The following USP25 variants were observed in gnomAD, a reference collection of about 807,000 sequenced individuals.
The protein encoded by USP25 is ubiquitin specific peptidase 25.
In USP25, 85 loss-of-function variants were observed where a neutral mutation model predicts 158.5. The observed-to-expected ratio is 0.54, with a 90% confidence interval of 0.45 to 0.64. The LOEUF is 0.64. Among genes scored for constraint, USP25 ranks in the 30% least tolerant of loss-of-function variants. The probability of loss-of-function intolerance (pLI) is 0.00; values close to 1 mark genes in which losing one functional copy is unlikely to be tolerated. For missense variants in USP25, 1,242 were observed against 1,327.3 expected (o/e 0.94, Z 1.00); for synonymous variants, 464 against 460.4 (o/e 1.01, Z -0.10).
Position 15,791,615 on chromosome 21 carries a change from T to C in USP25, c.506T>C (p.Val169Ala). The stretch of plus-strand genomic sequence containing the variant: ...AGAAAAAGACAGGACAAAGCTCCCG[T>C]TGGGCTAAAGAATGTTGGCAATACT... ...YDRKRQDKAP[V>A]GLKNVGNTCW... The change falls in exon 5 of 26, where the codon GTT becomes GCT. Residue 169 changes from valine to alanine, a missense_variant. By Grantham distance (64) the Val-to-Ala change is moderately conservative. Transcript: ENST00000400183. The C allele has an allele frequency of 6.2e-7, 1 of 1,611,258 alleles. No individual in the cohort carries two copies. Among genetic ancestry groups the C allele is most frequent in the Non-Finnish European group, 8.5e-7 (1 of 1,178,190 alleles).
chr21:15,806,008 T>C (rs2146273073), intron 7 of USP25, among the ~76,000 whole-genome samples: 1 of 152,344 alleles, frequency 6.6e-6, no homozygotes, highest in East Asian at 1.9e-4. Context: ...CCATCTTCCT[T>C]GTGCTTTTTG....
intron 15 of USP25, among the ~76,000 whole-genome samples, 181 bp from the exon 16 acceptor site, chr21:15,831,220 G>C (rs78835267): frequency 0.077 from 11,573 of 150,932 alleles, 509 homozygotes; most frequent in East Asian, 0.099. Flanking sequence ...TTCAGATTCC[G>C]TCTTTTTAAA....
At chr21:15,862,435 A>G (rs943852819) in intron 20 of USP25, among the ~76,000 whole-genome samples, 2 of 152,132 alleles carry the variant, frequency 1.3e-5, no homozygotes, top group Admixed American at 1.3e-4. Flanking sequence ...CAGATTAGGG[A>G]TACTCAACCT....
chr21:15,824,217 G>T, intron 11 of USP25, 51 bp downstream of exon 11: 1 of 1,587,684 alleles, frequency 6.3e-7, no homozygotes. Context: ...TAGTAAGGGA[G>T]AAAATATTGT....
At chr21:15,770,496 A>G (rs752507182) in intron 3 of USP25, among the ~76,000 whole-genome samples, 5 of 152,128 alleles carry the variant, frequency 3.3e-5, no homozygotes, top group African/African-American at 7.2e-5. Context: ...TTTTTTCACA[A>G]TAAAAATTGA....
rs1259567069 is a variant in USP25, at chr21:15,864,357, C to T, written c.2637C>T (p.Val879=). ...ATTATCGTTTACATCATGTAGTGGT[C>T]TACTTTATCCAGAACCAGGCACCAA... The part of the protein sequence containing the change: ...ETDYRLHHVV[V]YFIQNQAPKK... The change falls in exon 21 of 26, where the codon GTC becomes GTT. Residue 879 remains valine, a synonymous_variant. Transcript: ENST00000400183. 6.2e-7 allele frequency: 1 copy of T among 1,613,266 alleles called. No homozygotes were observed. Among genetic ancestry groups the T allele is most frequent in the Non-Finnish European group, 8.5e-7 (1 of 1,179,798 alleles).
Position 15,864,270 on chromosome 21 carries a change from A to G in USP25, c.2550A>G (p.Ala850=), listed in dbSNP as rs148270843. ...ATCATTTTCATTGCATTTTCCAGGC[A>G]ATTAAGTTGGAATATGCAAGGTTGG... is the stretch of plus-strand genomic sequence containing the variant. ...RCGPEAGFFK[A]IKLEYARLVK... is the part of the protein sequence containing the mutation. Residue 850 remains alanine, a splice_region_variant and synonymous_variant, in exon 21 of 26, where the codon GCA becomes GCG. Transcript: ENST00000400183. 3.1e-6 allele frequency: 5 copies of G among 1,592,684 alleles called. No individual in the cohort carries two copies. In the African/African-American group the frequency reaches 6.8e-5, roughly 22 times the overall value.
At chr21:15,859,006 T>G (rs1329710769) in intron 20 of USP25, among the ~76,000 whole-genome samples, 1 of 151,538 alleles carries the variant, frequency 6.6e-6, no homozygotes, top group Admixed American at 6.6e-5. Flanking sequence ...TCTCATATAT[T>G]TTTTGTACAC....
In USP25 at chr21:15,808,898, G is replaced by GA. The variant is rs1488330450; in HGVS notation, c.857+15dup. 6.3e-7 allele frequency: 1 copy of GA among 1,595,682 alleles called. No homozygotes were observed. Among genetic ancestry groups the GA allele is most frequent in the East Asian group, 2.2e-5 (1 of 44,552 alleles). On this transcript the variant is annotated intron_variant, in intron 8 of 25. Transcript: ENST00000400183. ...CTGAAGAGGAGACGTAAGTTACCGT[G>GA]AAGTTTAGCAATGGGGTTTTAGGAA... is the stretch of plus-strand genomic sequence containing the variant.
intron 1 of USP25, among the ~76,000 whole-genome samples, chr21:15,761,314 G>A (rs904787962): frequency 2.0e-5 from 3 of 152,160 alleles, no homozygotes; most frequent in African/African-American, 7.2e-5. Flanking sequence ...AGGGCAGAAG[G>A]GGGCCTCCCC....
At chr21:15,793,859 A>G (rs2123633664) in intron 5 of USP25, among the ~76,000 whole-genome samples, 1 of 151,804 alleles carries the variant, frequency 6.6e-6, no homozygotes, top group East Asian at 1.9e-4. Context: ...TATCTTTGGT[A>G]GAGTCTTCTT....
chr21:15,831,694 G>C, intron 16 of USP25, 65 bp downstream of exon 16: 2 of 1,304,090 alleles, frequency 1.5e-6, no homozygotes, highest in Non-Finnish European at 2.2e-6. Context: ...TATGTGGTGT[G>C]ATTAGTTAAG....
intron 20 of USP25, among the ~76,000 whole-genome samples, chr21:15,860,471 T>C (rs1247258170): frequency 6.6e-6 from 1 of 152,130 alleles, no homozygotes; most frequent in Admixed American, 6.5e-5. Context: ...TTTTTTTGAC[T>C]AACAGCCCAA....
intron 20 of USP25, among the ~76,000 whole-genome samples, chr21:15,863,897 C>T (rs557355349): frequency 2.0e-5 from 3 of 151,700 alleles, no homozygotes; most frequent in Non-Finnish European, 4.4e-5. Context: ...TTTAGCTGGG[C>T]GTGGTGGTGG....
chr21:15,731,982 G>A (rs1368449275), intron 1 of USP25, among the ~76,000 whole-genome samples: 1 of 152,194 alleles, frequency 6.6e-6, no homozygotes, highest in Non-Finnish European at 1.5e-5. Flanking sequence ...TTTGAACAAT[G>A]GGAAGAACTT....
intron 3 of USP25, among the ~76,000 whole-genome samples, chr21:15,767,117 C>T (rs776172639): frequency 1.3e-5 from 2 of 151,988 alleles, no homozygotes; most frequent in African/African-American, 2.4e-5. Context: ...GTTTACTTAA[C>T]GTCTAAGTTC....
intron 23 of USP25, among the ~76,000 whole-genome samples, 155 bp downstream of exon 23, chr21:15,870,302 A>C (rs1040985740): frequency 2.0e-5 from 3 of 152,198 alleles, no homozygotes; most frequent in Admixed American, 2.0e-4. Context: ...AAAATTACAC[A>C]GTTGATATAG....
At chr21:15,782,449 C>G (rs1462721806) in intron 4 of USP25, among the ~76,000 whole-genome samples, 1 of 152,172 alleles carries the variant, frequency 6.6e-6, no homozygotes, top group African/African-American at 2.4e-5. Flanking sequence ...TGCATCCACC[C>G]CTGGCCTGAT....
At chr21:15,742,547 G>T (rs2032159844) in intron 1 of USP25, among the ~76,000 whole-genome samples, 1 of 152,168 alleles carries the variant, frequency 6.6e-6, no homozygotes, top group Non-Finnish European at 1.5e-5. Context: ...TGAGGCCTCT[G>T]GGCTGGGTCT....
Sources: allele counts gnomAD v4.1 joint callset (sites outside exome capture counted in the v4.1 genomes callset), GRCh38; gene constraint gnomAD v4.1.1; transcripts MANE v1.5; gene names NCBI Gene and HGNC (gene_info 2026-07-23, HGNC 2026-07-21).